WRAP73: variants seen among roughly 807,000 people sequenced by gnomAD.
The protein encoded by WRAP73 is WD repeat-containing protein WRAP73.
A neutral mutation model predicts 59.6 loss-of-function variants in WRAP73; 55 were observed. That is an observed-to-expected ratio of 0.92 (90% confidence interval 0.74 to 1.15). The LOEUF (loss-of-function observed/expected upper bound fraction) is 1.15, where lower values mean the gene tolerates loss of function less well. Ranked by LOEUF, WRAP73 falls within the 50% of genes most tolerant of loss-of-function variation. The probability of loss-of-function intolerance (pLI) is 0.00; values close to 1 mark genes in which losing one functional copy is unlikely to be tolerated. For missense variants in WRAP73, 592 were observed against 608.1 expected (o/e 0.97, Z 0.28); for synonymous variants, 265 against 258.2 (o/e 1.03, Z -0.25).
Position 3,633,024 on chromosome 1 carries a change from G to A in WRAP73, c.922+374C>T, listed in dbSNP as rs547275773. 1.9e-5 allele frequency: 5 copies of A among 268,240 alleles called. No homozygotes were observed. The East Asian group carries it at 5.0e-4, about 27-fold the overall frequency. 16.6% of individuals were successfully genotyped at this position (268,240 alleles called of 1,614,324 possible). A position where few individuals can be genotyped will look rare whatever the true frequency, so the allele number is the denominator to read the frequency against. On this transcript the variant is annotated intron_variant, in intron 9 of 11. Transcript: ENST00000270708. ...AGAGTCAAGAGGCTGCATCAGAACCGGGCCTCAAGCCGGAGACAGCGCTCG... is the reference window on the plus strand; with the variant it reads ...AGAGTCAAGAGGCTGCATCAGAACCAGGCCTCAAGCCGGAGACAGCGCTCG...
chr1:3,648,886 G>C (rs1203603648), intron 1 of WRAP73, among the ~76,000 whole-genome samples: 1 of 152,206 alleles, frequency 6.6e-6, no homozygotes, highest in Non-Finnish European at 1.5e-5. Context: ...TTTTGTAGCT[G>C]ATGCTATTTT....
intron 8 of WRAP73, chr1:3,634,358 C>T (rs1644569383): frequency 6.3e-6 from 1 of 157,784 alleles, no homozygotes; most frequent in Non-Finnish European, 1.4e-5. Context: ...AGGTCAACAC[C>T]AGGAGGGCAG....
chr1:3,645,763 C>T (rs1175245928), intron 3 of WRAP73, among the ~76,000 whole-genome samples: 1 of 152,192 alleles, frequency 6.6e-6, no homozygotes, highest in Non-Finnish European at 1.5e-5. Flanking sequence ...TCTCCTATCC[C>T]AGATCCCTCT....
Position 3,631,568 on chromosome 1 carries a change from G to A in WRAP73, c.1138C>T (p.Gln380Ter), listed in dbSNP as rs1433178806. The A allele has an allele frequency of 6.2e-7, 1 of 1,611,358 alleles. No individual in the cohort carries two copies. Among genetic ancestry groups the A allele is most frequent in the Admixed American group, 1.7e-5 (1 of 59,990 alleles). Residue 380 changes from glutamine to a stop codon, truncating the protein, a stop_gained, in exon 11 of 12, where the codon CAG becomes TAG. Coordinates refer to ENST00000270708, the MANE Select transcript of WRAP73 (RefSeq NM_017818.4). LOFTEE classifies it high-confidence loss of function. ...AGCCGCGGCTGCTGCGGGTCCCACT[G>A]AAATGCGCGCACTGGGGACAGCTGC... Reference protein sequence around the residue: ...LEQLSPVRAFQWDPQQPRLAI... With the variant: ...LEQLSPVRAF
Position 3,630,997 on chromosome 1 carries a change from C to T in WRAP73, c.1361G>A (p.Arg454Lys). The T allele has an allele frequency of 6.2e-7, 1 of 1,613,004 alleles. No homozygotes were observed. Among genetic ancestry groups the T allele is most frequent in the Non-Finnish European group, 8.5e-7 (1 of 1,179,970 alleles). The change falls in exon 12 of 12, where the codon AGA becomes AAA. Residue 454 changes from arginine (R) to lysine (K), a missense_variant. By Grantham distance (26) the Arg-to-Lys change is conservative. Transcript: ENST00000270708. Reference protein sequence around the residue: ...ETEAVVGTACRQLGGHT With the variant: ...ETEAVVGTACKQLGGHT ...CTGCTACGTGTGGCCGCCCAGCTGT[C>T]TGCAGGCTGTGCCGACCACTGCCTC... is the stretch of plus-strand genomic sequence containing the variant.
At chr1:3,638,867 T>A in intron 3 of WRAP73, 45 bp from the exon 4 acceptor site, 1 of 1,606,736 alleles carries the variant, frequency 6.2e-7, no homozygotes, top group Non-Finnish European at 8.5e-7. Flanking sequence ...TTCTTTAGCA[T>A]CATCAGAGAC....
At position 3,646,006 on chromosome 1, in the gene WRAP73, T is replaced by G. The variant is rs921619015; in HGVS notation, c.339+660A>C. 1.3e-5 allele frequency among the ~76,000 whole-genome samples: 2 copies of G among 152,256 alleles called. No individual in the cohort carries two copies. The highest frequency in any genetic ancestry group is 4.8e-5 in the African/African-American group (2 of 41,468). ...CTAAATTAAGATTTTTAAAATGTTT[T>G]TTCTTCAAAACTGGACAAAAGATCA... On this transcript the variant is annotated intron_variant, in intron 3 of 11. Coordinates refer to ENST00000270708, the MANE Select transcript of WRAP73 (RefSeq NM_017818.4). The surrounding 1 kb of genome is among the most constrained non-coding windows in gnomAD (Gnocchi z 5.1).
At chr1:3,637,239 C>G in intron 4 of WRAP73, 141 bp from the exon 5 acceptor site, 1 of 696,804 alleles carries the variant, frequency 1.4e-6, no homozygotes, top group Non-Finnish European at 2.4e-6. Flanking sequence ...GAGCACTGCT[C>G]CTCAGACAGA....
At chr1:3,644,812 C>CT (rs1644674413) in intron 3 of WRAP73, among the ~76,000 whole-genome samples, 1 of 152,188 alleles carries the variant, frequency 6.6e-6, no homozygotes, top group Non-Finnish European at 1.5e-5. Flanking sequence ...TTTTATCCAT[C>CT]TTTTAAGGTT....
At position 3,636,020 on chromosome 1, in the gene WRAP73, G is replaced by A. The variant is rs773164870; in HGVS notation, c.527C>T (p.Thr176Met). 10 of 1,613,352 alleles carry A rather than the reference G, an allele frequency of 6.2e-6. No individual in the cohort carries two copies. The highest frequency in any genetic ancestry group is 1.7e-5 in the Admixed American group (1 of 59,986). Residue 176 changes from threonine (T) to methionine (M), a missense_variant, in exon 6 of 12, where the codon ACG (threonine) becomes ATG (methionine). Thr to Met is a moderately conservative substitution (Grantham distance 81). Coordinates refer to ENST00000270708, the MANE Select transcript of WRAP73 (RefSeq NM_017818.4). ...AATCCCTGTGAGATCCTGGGTGTCC[G>A]TATCAAAATGCTTCCAAAGGAAGGG... The part of the protein sequence containing the change: ...SDWQLLRHFD[T>M]DTQDLTGIEW...
chr1:3,639,582 C>T lies in WRAP73; in HGVS notation c.340-760G>A, dbSNP rs921892470. ...TGTGTCCCTCCACCTGCATTTCCCACTGAGACCCCGTGGAGCCTACCAGGG... is the reference window on the plus strand; with the variant it reads ...TGTGTCCCTCCACCTGCATTTCCCATTGAGACCCCGTGGAGCCTACCAGGG... On this transcript the variant is annotated intron_variant, in intron 3 of 11. Coordinates refer to ENST00000270708, the MANE Select transcript of WRAP73 (RefSeq NM_017818.4). This position sits in a 1 kb window ranked among gnomAD's most constrained non-coding sequence, Gnocchi z 4.3. 6.6e-6 allele frequency: 1 copy of T among 152,404 alleles called. No individual in the cohort carries two copies. The highest frequency in any genetic ancestry group is 1.5e-5 in the Non-Finnish European group (1 of 68,054). The allele number at this position is 152,404 out of a possible 1,614,324, so 9.4% of individuals were successfully genotyped here.
chr1:3,634,955 C>T, intron 8 of WRAP73, 42 bp downstream of exon 8: 3 of 1,609,514 alleles, frequency 1.9e-6, no homozygotes, highest in Non-Finnish European at 2.6e-6. Flanking sequence ...CACCGCCCTC[C>T]CCAACAGCCT....
intron 3 of WRAP73, among the ~76,000 whole-genome samples, chr1:3,642,488 C>T (rs1644655706): frequency 1.3e-5 from 2 of 151,964 alleles, no homozygotes; most frequent in African/African-American, 4.8e-5. Flanking sequence ...CCTGTAATCC[C>T]AGCACTTTGG....
At chr1:3,649,830 T>G in intron 1 of WRAP73, 101 bp downstream of exon 1, 3 of 1,308,336 alleles carry the variant, frequency 2.3e-6, no homozygotes, top group Non-Finnish European at 3.1e-6. Flanking sequence ...ACCTGCAGGA[T>G]CCCCAAGCTG....
Position 3,634,850 on chromosome 1 carries a change from C to T in WRAP73, c.816+147G>A, listed in dbSNP as rs180729663. On this transcript the variant is annotated intron_variant, in intron 8 of 11. Coordinates refer to ENST00000270708, the MANE Select transcript of WRAP73 (RefSeq NM_017818.4). ...GAACAAAGGCCAGGGCAGGGCCAGA[C>T]GCGTGAAATGTCACAGTAGCAAGTT... 109 of 959,714 alleles carry T rather than the reference C, an allele frequency of 1.1e-4. 1 individual carries two copies. The highest frequency in any genetic ancestry group is 7.7e-4 in the Admixed American group (44 of 57,128). 59.4% of individuals were successfully genotyped at this position (959,714 alleles called of 1,614,324 possible).
At chr1:3,649,478 A>T (rs1644719348) in intron 1 of WRAP73, among the ~76,000 whole-genome samples, 1 of 152,196 alleles carries the variant, frequency 6.6e-6, no homozygotes, top group Non-Finnish European at 1.5e-5. Context: ...GACATCTCCT[A>T]TACCCTCACC....
At position 3,630,918 on chromosome 1, in the gene WRAP73, T is replaced by C; in HGVS notation, c.*57A>G. ...AGAACCTCCTGGTGAAGCTGTGTTT[T>C]TTCCCACACTGGAAACACAGAGTAG... On this transcript the variant is annotated 3_prime_UTR_variant, in exon 12 of 12. Coordinates refer to ENST00000270708, the MANE Select transcript of WRAP73 (RefSeq NM_017818.4). The C allele has an allele frequency of 6.4e-7, 1 of 1,567,646 alleles. No homozygotes were observed. The highest frequency in any genetic ancestry group is 2.3e-5 in the East Asian group (1 of 44,210).
intron 8 of WRAP73, chr1:3,634,087 C>CA (rs1399162204): frequency 6.5e-6 from 1 of 153,054 alleles, no homozygotes; most frequent in African/African-American, 2.4e-5. Flanking sequence ...ACCTTCAGGA[C>CA]CTGTGTGGCC....
chr1:3,646,860 G>C lies in WRAP73; in HGVS notation c.223-78C>G. 1 of 1,319,744 alleles carries C rather than the reference G, an allele frequency of 7.6e-7. No homozygotes were observed. The highest frequency in any genetic ancestry group is 2.3e-5 in the East Asian group (1 of 43,148). The allele number at this position is 1,319,744 out of a possible 1,614,324, so 81.8% of individuals were successfully genotyped here. A position where few individuals can be genotyped will look rare whatever the true frequency, so the allele number is the denominator to read the frequency against. ...GACAGCGAGGACAGCTCGCTTAAAC[G>C]CAGCGGAGACCCGACCGCACAGGGT... On this transcript the variant is annotated intron_variant, in intron 2 of 11. Transcript: ENST00000270708. The surrounding 1 kb of genome is among the most constrained non-coding windows in gnomAD (Gnocchi z 5.1).
Sources: gnomAD v4.1 joint callset for allele counts (sites outside exome capture counted in the v4.1 genomes callset) on GRCh38, gnomAD v4.1.1 for gene constraint, Gnocchi (gnomAD v3.1) non-coding constraint, MANE v1.5 for transcripts, NCBI Gene and HGNC (gene_info 2026-07-23, HGNC 2026-07-21) for gene names.